The following LARGE1 variants were observed in gnomAD, a reference collection of about 807,000 sequenced individuals.
LARGE1 encodes the protein LARGE xylosyl- and glucuronyltransferase 1, also known as xylosyl- and glucuronyltransferase LARGE1.
LARGE1 carries 43 observed loss-of-function variants against 87.6 expected under a neutral mutation model. The ratio of observed to expected loss-of-function variants is 0.49; its 90% CI spans 0.38 to 0.63. The LOEUF (loss-of-function observed/expected upper bound fraction) is 0.63, where lower values mean the gene tolerates loss of function less well. LARGE1 is among the 30% of genes least tolerant of loss of function. The pLI, the probability that LARGE1 is intolerant of heterozygous loss-of-function variation, is 0.00. For synonymous variants in LARGE1, 434 were observed against 394.6 expected, an observed-to-expected ratio of 1.10 and a Z score of -1.18; for missense variants, 802 against 1,000.2, an observed-to-expected ratio of 0.80 and a Z score of 2.67.
At chr22:33,759,114 T>C (rs1468631782) in intron 2 of LARGE1, among the ~76,000 whole-genome samples, 1 of 151,958 alleles carries the variant, frequency 6.6e-6, no homozygotes, top group Admixed American at 6.6e-5. Context: ...CAGAGAAAAA[T>C]AGAACAAAGG....
intron 9 of LARGE1, among the ~76,000 whole-genome samples, chr22:33,344,463 T>C (rs901469592): frequency 6.6e-6 from 1 of 152,126 alleles, no homozygotes; most frequent in African/African-American, 2.4e-5. Context: ...GTTGGTGATT[T>C]TTCCTGGGAA....
At chr22:33,256,298 C>T (rs1927263110) in intron 11 of LARGE1, among the ~76,000 whole-genome samples, 1 of 152,278 alleles carries the variant, frequency 6.6e-6, no homozygotes, top group East Asian at 1.9e-4. Flanking sequence ...ACAGAGCCAG[C>T]GTTCTTTGAA....
intron 9 of LARGE1, among the ~76,000 whole-genome samples, chr22:33,375,491 T>C (rs1569106723): frequency 6.7e-6 from 1 of 150,262 alleles, no homozygotes; most frequent in Non-Finnish European, 1.5e-5. Context: ...CTCCTAAAAA[T>C]AAAAAAAAAA....
chr22:33,886,064 G>A (rs1472436731), intron 1 of LARGE1, among the ~76,000 whole-genome samples: 2 of 151,568 alleles, frequency 1.3e-5, no homozygotes, highest in Admixed American at 1.3e-4. Flanking sequence ...AAAGATGTGA[G>A]CCCCAGGAAG....
At chr22:33,090,934 C>T in the LARGE1 span, among the ~76,000 whole-genome samples, 2 of 152,162 alleles carry the variant, frequency 1.3e-5, no homozygotes, top group Non-Finnish European at 2.9e-5. Flanking sequence ...GCCCTCTTTC[C>T]AGTCCTGTAT....
chr22:33,775,705 T>A (rs2085212668), intron 1 of LARGE1, among the ~76,000 whole-genome samples: 1 of 151,690 alleles, frequency 6.6e-6, no homozygotes, highest in African/African-American at 2.4e-5. Context: ...ATACAAAAAT[T>A]AGCTGGTATG....
chr22:33,420,490 T>C (rs945286849), intron 7 of LARGE1, among the ~76,000 whole-genome samples: 2 of 152,152 alleles, frequency 1.3e-5, no homozygotes, highest in Non-Finnish European at 2.9e-5. Context: ...ATGGAGGCTG[T>C]AGTTTGGAGG....
chr22:33,203,489 T>A (rs769459174), intron 11 of LARGE1, among the ~76,000 whole-genome samples: 4 of 152,148 alleles, frequency 2.6e-5, no homozygotes, highest in Non-Finnish European at 5.9e-5. Flanking sequence ...CTTAGTCGAT[T>A]CCCAGGTGTG....
downstream of LARGE1, among the ~76,000 whole-genome samples, chr22:33,158,114 A>G (rs1270525275): frequency 6.6e-6 from 1 of 152,184 alleles, no homozygotes; most frequent in African/African-American, 2.4e-5. Context: ...TGTCAAAAAT[A>G]TTACAAAGAA....
At chr22:33,708,844 C>T (rs1012769812) in intron 2 of LARGE1, among the ~76,000 whole-genome samples, 1 of 152,160 alleles carries the variant, frequency 6.6e-6, no homozygotes, top group African/African-American at 2.4e-5. Flanking sequence ...CGTGATCCGC[C>T]CGCCTTGGCC....
At chr22:33,128,680 C>CAAAAAAAAAAAA in the LARGE1 span, among the ~76,000 whole-genome samples, 14 of 110,162 alleles carry the variant, frequency 1.3e-4, no homozygotes, top group Admixed American at 2.8e-4. Flanking sequence ...GTCTCAAAAA[C>CAAAAAAAAAAAA]AAAAAAAAAA....
At chr22:33,708,244 T>A (rs994287105) in intron 2 of LARGE1, among the ~76,000 whole-genome samples, 1 of 151,848 alleles carries the variant, frequency 6.6e-6, no homozygotes, top group Non-Finnish European at 1.5e-5. Flanking sequence ...GGAGCTGCTA[T>A]TGGAGGGAGG....
chr22:33,094,194 C>A, the LARGE1 span, among the ~76,000 whole-genome samples: 1 of 152,114 alleles, frequency 6.6e-6, no homozygotes, highest in Non-Finnish European at 1.5e-5. Context: ...ATAACCATTT[C>A]GATATGGGAG....
chr22:33,469,781 T>C (rs1436102103), intron 6 of LARGE1, among the ~76,000 whole-genome samples: 1 of 149,724 alleles, frequency 6.7e-6, no homozygotes, highest in Non-Finnish European at 1.5e-5. Context: ...TCAGCCAAGA[T>C]CGCACCACTG....
chr22:33,679,790 C>T (rs755830981), intron 2 of LARGE1, among the ~76,000 whole-genome samples: 7 of 151,994 alleles, frequency 4.6e-5, no homozygotes, highest in Non-Finnish European at 7.4e-5. Flanking sequence ...TGCAGTGAGC[C>T]GAGATCGTGC....
At chr22:33,428,798 T>C (rs868188220) in intron 7 of LARGE1, among the ~76,000 whole-genome samples, 78 of 133,206 alleles carry the variant, frequency 5.9e-4, no homozygotes, top group African/African-American at 2.1e-3. Flanking sequence ...GGCGTGGTGG[T>C]GGGCGCCTGT....
At chr22:33,125,680 C>G in the LARGE1 span, among the ~76,000 whole-genome samples, 1 of 152,170 alleles carries the variant, frequency 6.6e-6, no homozygotes, top group Non-Finnish European at 1.5e-5. Flanking sequence ...CTCCTGACCT[C>G]GTGATCCACT....
intron 11 of LARGE1, among the ~76,000 whole-genome samples, chr22:33,310,678 G>A (rs557286384): frequency 1.3e-5 from 2 of 152,318 alleles, no homozygotes; most frequent in South Asian, 2.1e-4. Context: ...ACCAGTCCGC[G>A]TGCTGCATCA....
intron 6 of LARGE1, among the ~76,000 whole-genome samples, chr22:33,541,856 A>G (rs2077220680): frequency 6.6e-6 from 1 of 151,882 alleles, no homozygotes; most frequent in Non-Finnish European, 1.5e-5. Flanking sequence ...GTACGTGTCT[A>G]TGAGAAACAT....
Sources: gnomAD v4.1 joint callset for allele counts (sites outside exome capture counted in the v4.1 genomes callset) on GRCh38, gnomAD v4.1.1 for gene constraint, MANE v1.5 for transcripts, NCBI Gene and HGNC (gene_info 2026-07-23, HGNC 2026-07-21) for gene names.